Variants in ALPL observed in about 807,000 individuals in gnomAD.
ALPL encodes alkaline phosphatase, tissue-nonspecific isozyme.
Under a neutral mutation model 51.3 loss-of-function variants are expected in ALPL, and 42 were observed. That is an observed-to-expected ratio of 0.82 (90% CI 0.64 to 1.06). The LOEUF (loss-of-function observed/expected upper bound fraction) is 1.06, where lower values mean the gene tolerates loss of function less well. Among genes scored for constraint, ALPL ranks in the 50% least tolerant of loss-of-function variants. The pLI is 0.00. For missense variants in ALPL, 589 were observed against 709.4 expected (o/e 0.83, Z 1.93); for synonymous variants, 279 against 296.4 (o/e 0.94, Z 0.60).
At position 21,564,175 on chromosome 1, in the gene ALPL, G is replaced by T; in HGVS notation, c.607G>T (p.Asp203Tyr). Residue 203 changes from aspartate (D) to tyrosine (Y), a missense_variant, in exon 6 of 12, where the codon GAC (aspartate) becomes TAC (tyrosine). Coordinates refer to ENST00000374840, the MANE Select transcript of ALPL (RefSeq NM_000478.6). This position sits in a 1 kb window ranked among gnomAD's most constrained non-coding sequence, Gnocchi z 5.8. ...TGAGGCCTTGAGCCAGGGCTGTAAG[G>T]ACATCGCCTACCAGCTCATGCATAA... is the stretch of plus-strand genomic sequence containing the variant. Reference protein sequence around the residue: ...PPEALSQGCKDIAYQLMHNIR... With the variant: ...PPEALSQGCKYIAYQLMHNIR... The T allele has an allele frequency of 6.2e-7, 1 of 1,614,052 alleles. No individual in the cohort carries two copies. Among genetic ancestry groups the T allele is most frequent in the Non-Finnish European group, 8.5e-7 (1 of 1,180,004 alleles).
Position 21,577,385 on chromosome 1 carries a change from CA to C in ALPL, c.1313del (p.His438ProfsTer46). 6.2e-7 allele frequency: 1 copy of C among 1,613,292 alleles called. No homozygotes were observed. Among genetic ancestry groups the C allele is most frequent in the South Asian group, 1.1e-5 (1 of 91,088 alleles). ...CAGGTGTTTCCCCTGGCCCACAGCT[CA>C]CAACAACTACCAGGCGCAGTCTGCT... ...RENVSMVDYAHNNYQAQSAVP... is the reference protein window; with the variant it reads ...RENVSMVDYAXNNYQAQSAVP... On this transcript the variant is annotated frameshift_variant, in exon 12 of 12. Transcript: ENST00000374840. LOFTEE classifies it high-confidence loss of function.
At chr1:21,528,404 G>A (rs1216372467) in intron 1 of ALPL, among the ~76,000 whole-genome samples, 1 of 144,950 alleles carries the variant, frequency 6.9e-6, no homozygotes. Context: ...CTGGAGTGCA[G>A]TGGTGTGATC....
chr1:21,563,866 CT>C (rs1326132923), intron 5 of ALPL, among the ~76,000 whole-genome samples, 174 bp from the exon 6 acceptor site: 1 of 151,826 alleles, frequency 6.6e-6, no homozygotes, highest in African/African-American at 2.4e-5. Context: ...GGCTGCTCGG[CT>C]ACTTGGAAGC....
At chr1:21,557,770 A>G (rs1343079534) in intron 2 of ALPL, among the ~76,000 whole-genome samples, 1 of 152,160 alleles carries the variant, frequency 6.6e-6, no homozygotes, top group Non-Finnish European at 1.5e-5. Flanking sequence ...CTTACAGAAA[A>G]GGGCACCGAT....
At chr1:21,573,472 G>GA (rs955871458) in intron 8 of ALPL, among the ~76,000 whole-genome samples, 193 bp from the exon 9 acceptor site, 16 of 147,188 alleles carry the variant, frequency 1.1e-4, no homozygotes, top group East Asian at 2.1e-4. Flanking sequence ...AAAGAAAAAA[G>GA]AAAAAAAAAG....
chr1:21,561,845 T>C (rs1483557323), intron 4 of ALPL, among the ~76,000 whole-genome samples: 2 of 152,008 alleles, frequency 1.3e-5, no homozygotes, highest in Admixed American at 1.3e-4. Flanking sequence ...TTTTTTATTT[T>C]TAGTAGAGAC....
At chr1:21,540,938 T>C (rs942858015) in intron 1 of ALPL, among the ~76,000 whole-genome samples, 2 of 152,146 alleles carry the variant, frequency 1.3e-5, no homozygotes, top group African/African-American at 4.8e-5. Flanking sequence ...TGGTTCTCTT[T>C]GGAGATGGGA....
intron 1 of ALPL, among the ~76,000 whole-genome samples, chr1:21,527,488 G>A (rs538195662): frequency 3.3e-5 from 5 of 151,824 alleles, no homozygotes; most frequent in South Asian, 2.1e-4. Flanking sequence ...TGGAGGGGGC[G>A]AGGGGCTGTC....
intron 11 of ALPL, 92 bp downstream of exon 11, chr1:21,576,733 G>A: frequency 1.3e-6 from 2 of 1,562,876 alleles, no homozygotes; most frequent in Non-Finnish European, 1.8e-6. Flanking sequence ...TCAAGGTCAG[G>A]GGTCTCAGAA....
intron 1 of ALPL, among the ~76,000 whole-genome samples, chr1:21,530,945 T>C (rs1009145796): frequency 1.5e-5 from 2 of 134,990 alleles, no homozygotes; most frequent in African/African-American, 2.7e-5. Flanking sequence ...CACATCCAGA[T>C]CATTTTTGAT....
At chr1:21,518,504 T>G (rs1643843510) in intron 1 of ALPL, among the ~76,000 whole-genome samples, 1 of 152,156 alleles carries the variant, frequency 6.6e-6, no homozygotes, top group Non-Finnish European at 1.5e-5. Context: ...AAATAACTCT[T>G]ATTACTACGA....
chr1:21,516,780 G>T (rs1643808983), intron 1 of ALPL, among the ~76,000 whole-genome samples: 1 of 152,196 alleles, frequency 6.6e-6, no homozygotes, highest in Admixed American at 6.5e-5. Context: ...TCAACAGCTT[G>T]TCCAAGCCCT....
chr1:21,519,410 T>C (rs1195206464), intron 1 of ALPL, among the ~76,000 whole-genome samples: 1 of 152,362 alleles, frequency 6.6e-6, no homozygotes, highest in East Asian at 1.9e-4. Context: ...CGATACGTCT[T>C]TGCCCGTGGA....
chr1:21,533,680 G>C (rs972879098), intron 1 of ALPL, among the ~76,000 whole-genome samples: 4 of 152,114 alleles, frequency 2.6e-5, no homozygotes, highest in African/African-American at 9.7e-5. Flanking sequence ...CAGCACTTTG[G>C]GAGGCTGAGG....
chr1:21,559,740 G>A lies in ALPL; in HGVS notation c.62-886G>A, dbSNP rs1286620078. On this transcript the variant is annotated intron_variant, in intron 2 of 11. Coordinates refer to ENST00000374840, the MANE Select transcript of ALPL (RefSeq NM_000478.6). ...TCACCGTGTTGCCCAAGTTGGTCGC[G>A]AACTCCTGAGCTCAGGTGATCTGCC... 4.6e-5 allele frequency among the ~76,000 whole-genome samples: 7 copies of A among 152,100 alleles called. No homozygotes were observed. In the East Asian group the frequency reaches 9.6e-4, roughly 21 times the overall value.
intron 1 of ALPL, among the ~76,000 whole-genome samples, chr1:21,535,751 G>A (rs949478702): frequency 8.5e-5 from 13 of 152,164 alleles, no homozygotes; most frequent in African/African-American, 3.1e-4. Context: ...CACTCTGACT[G>A]CTCCTGAGTG....
intron 2 of ALPL, among the ~76,000 whole-genome samples, chr1:21,559,872 G>A (rs1475396800): frequency 6.6e-6 from 1 of 152,100 alleles, no homozygotes; most frequent in African/African-American, 2.4e-5. Context: ...ATTGGTTGCT[G>A]GACACACACA....
At chr1:21,551,926 T>C (rs1445924339) in intron 1 of ALPL, among the ~76,000 whole-genome samples, 28 of 150,882 alleles carry the variant, frequency 1.9e-4, no homozygotes, top group Admixed American at 4.0e-4. Flanking sequence ...GGGGTTTCAC[T>C]GTGTTAGCCA....
At chr1:21,517,565 C>A (rs1362007910) in intron 1 of ALPL, among the ~76,000 whole-genome samples, 1 of 152,090 alleles carries the variant, frequency 6.6e-6, no homozygotes, top group African/African-American at 2.4e-5. Flanking sequence ...TCTGTTCTCC[C>A]AGACAGTGTT....
Sources: gnomAD v4.1 joint callset for allele counts (sites outside exome capture counted in the v4.1 genomes callset) on GRCh38, gnomAD v4.1.1 for gene constraint, Gnocchi (gnomAD v3.1) non-coding constraint, MANE v1.5 for transcripts, NCBI Gene and HGNC (gene_info 2026-07-23, HGNC 2026-07-21) for gene names.